Variants in CNTNAP3 observed in about 807,000 individuals in gnomAD.
CNTNAP3 encodes contactin-associated protein-like 3.
A neutral mutation model predicts 92.1 loss-of-function variants in CNTNAP3; 36 were observed. That is an observed-to-expected ratio of 0.39 (90% CI 0.30 to 0.52). The LOEUF (loss-of-function observed/expected upper bound fraction) is 0.52, where lower values mean the gene tolerates loss of function less well. Among genes scored for constraint, CNTNAP3 ranks in the 20% least tolerant of loss-of-function variants. CNTNAP3 has a pLI of 0.76. For synonymous variants in CNTNAP3, 232 were observed against 422.3 expected (o/e 0.55, Z 5.53); for missense variants, 534 against 1,069.6 (o/e 0.50, Z 6.98).
intron 21 of CNTNAP3, among the ~76,000 whole-genome samples, chr9:39,081,568 C>G (rs1436679455): frequency 6.6e-6 from 1 of 150,698 alleles, no homozygotes; most frequent in Non-Finnish European, 1.5e-5. Context: ...GAATGGATCT[C>G]TAATACAGAA....
intron 17 of CNTNAP3, 83 bp from the exon 18 acceptor site, chr9:39,100,233 T>C (rs996004706): frequency 7.5e-6 from 11 of 1,472,620 alleles, no homozygotes; most frequent in Non-Finnish European, 9.1e-6. Flanking sequence ...TCAGGCCTTA[T>C]GGAGAGTGGC....
At position 39,068,570 on chromosome 9, in the gene CNTNAP3, T is replaced by G. The variant is rs995198066; in HGVS notation, c.*5320A>C. 2.0e-5 allele frequency among the ~76,000 whole-genome samples: 3 copies of G among 152,306 alleles called. No homozygotes were observed. Among genetic ancestry groups the G allele is most frequent in the Non-Finnish European group, 2.9e-5 (2 of 68,054 alleles). On this transcript the variant is annotated 3_prime_UTR_variant, in exon 24 of 24. Transcript: ENST00000297668. ...AATTCTTTTGAGTGTTTCTTTCCCTTGCCTCAGGTAGTTTCATGCACTTTG... is the reference window on the plus strand; with the variant it reads ...AATTCTTTTGAGTGTTTCTTTCCCTGGCCTCAGGTAGTTTCATGCACTTTG...
intron 10 of CNTNAP3, among the ~76,000 whole-genome samples, chr9:39,147,155 C>T (rs1821723469): frequency 6.6e-6 from 1 of 152,112 alleles, no homozygotes; most frequent in Non-Finnish European, 1.5e-5. Context: ...CATTGTGAGG[C>T]CTCCCCAGCC....
Position 39,094,325 on chromosome 9 carries a change from TGATA to T in CNTNAP3, c.2995+5582_2995+5585del, listed in dbSNP as rs1826280278. ...TCTGTGGATTGTCTTTTTACTCTCT[TGATA>T]GTGTTCTTTGATACACAGAAGTTGT... On this transcript the variant is annotated intron_variant, in intron 18 of 23. Coordinates refer to ENST00000297668, the MANE Select transcript of CNTNAP3 (RefSeq NM_033655.5). Among the ~76,000 whole-genome samples the T allele has an allele frequency of 5.3e-5, 8 of 151,710 alleles. No homozygotes were observed. The South Asian group carries it at 1.7e-3, about 31-fold the overall frequency.
At chr9:39,120,787 T>A (rs1045733344) in intron 13 of CNTNAP3, among the ~76,000 whole-genome samples, 1 of 151,720 alleles carries the variant, frequency 6.6e-6, no homozygotes, top group Admixed American at 6.6e-5. Flanking sequence ...GAAAGGAAAA[T>A]ATAACAAAGG....
At position 39,133,089 on chromosome 9, in the gene CNTNAP3, C is replaced by G. The variant is rs979261373; in HGVS notation, c.1923G>C (p.Val641=). ...GCCCGCTGGGGGCACCTCGGAGGGTCACCGCGTCGGGGCCACCGTGCTGCA... is the reference window on the plus strand; with the variant it reads ...GCCCGCTGGGGGCACCTCGGAGGGTGACCGCGTCGGGGCCACCGTGCTGCA... ...TVVQHGGPDA[V]TLRGAPSGHP... Residue 641 remains valine, a synonymous_variant, in exon 13 of 24, where the codon GTG becomes GTC. Coordinates refer to ENST00000297668, the MANE Select transcript of CNTNAP3 (RefSeq NM_033655.5). 6.4e-7 allele frequency: 1 copy of G among 1,569,974 alleles called. No homozygotes were observed. Among genetic ancestry groups the G allele is most frequent in the Non-Finnish European group, 8.6e-7 (1 of 1,164,312 alleles).
chr9:39,127,256 T>C (rs1372021890), intron 13 of CNTNAP3, among the ~76,000 whole-genome samples: 1 of 152,034 alleles, frequency 6.6e-6, no homozygotes, highest in Non-Finnish European at 1.5e-5. Flanking sequence ...GAATACAACA[T>C]ATCAAAATAT....
At chr9:39,149,528 T>TG (rs1554650930) in intron 10 of CNTNAP3, among the ~76,000 whole-genome samples, 81 of 151,252 alleles carry the variant, frequency 5.4e-4, no homozygotes, top group African/African-American at 1.8e-3. Flanking sequence ...TTTTTTTTTT[T>TG]TGTATTTTTA....
intron 15 of CNTNAP3, among the ~76,000 whole-genome samples, chr9:39,104,339 C>G (rs7855742): frequency 0.16 from 24,718 of 150,626 alleles, 2,321 homozygotes; most frequent in Non-Finnish European, 0.21. Flanking sequence ...GAGGCAGGTT[C>G]GAGCAGCAGC....
chr9:39,129,130 C>G (rs1821217476), intron 13 of CNTNAP3, among the ~76,000 whole-genome samples: 1 of 152,054 alleles, frequency 6.6e-6, no homozygotes, highest in Admixed American at 6.6e-5. Flanking sequence ...TGTTTGTAGA[C>G]ATAAACAAAT....
chr9:39,253,014 T>TACACAC (rs1178975952), intron 2 of CNTNAP3, among the ~76,000 whole-genome samples: 42 of 3,604 alleles, frequency 0.012, 12 homozygotes, highest in Non-Finnish European at 0.093. Flanking sequence ...CAACTGAATA[T>TACACAC]ACACACACAC....
In CNTNAP3 at chr9:39,226,930, G is replaced by GTATA. The variant is rs1180542194; in HGVS notation, c.390+12059_390+12062dup. On this transcript the variant is annotated intron_variant, in intron 3 of 23. Coordinates refer to ENST00000297668, the MANE Select transcript of CNTNAP3 (RefSeq NM_033655.5). ...CTGCATAGTATTCCATGGTGTGTAT[G>GTATA]TATATGTGTGTATATATATATACCA... Among the ~76,000 whole-genome samples the GTATA allele has an allele frequency of 7.6e-4, 6 of 7,870 alleles. 2 individuals carry two copies. Among genetic ancestry groups the GTATA allele is most frequent in the African/African-American group, 8.2e-4 (6 of 7,300 alleles). The allele number at this position is 7,870 out of a possible 152,430, so 5.2% of individuals were successfully genotyped here.
rs1825489806 is a variant in CNTNAP3 at position 39,065,407 on chromosome 9, G to A, written c.*8483C>T. ...AGGTCTTTTAGGCAGTTTACAGTTT[G>A]GGGATATTATAAGTAAAGATGCTAT... On this transcript the variant is annotated 3_prime_UTR_variant, in exon 24 of 24. Transcript: ENST00000297668. Among the ~76,000 whole-genome samples the A allele has an allele frequency of 6.6e-6, 1 of 152,206 alleles. No individual in the cohort carries two copies. The highest frequency in any genetic ancestry group is 1.5e-5 in the Non-Finnish European group (1 of 68,038).
At chr9:39,078,549 A>T in intron 22 of CNTNAP3, 93 bp from the exon 23 acceptor site, 1 of 1,571,716 alleles carries the variant, frequency 6.4e-7, no homozygotes, top group Non-Finnish European at 8.6e-7. Context: ...AAGTGAATTA[A>T]AATAAGAACA....
chr9:39,144,282 C>G lies in CNTNAP3; in HGVS notation c.1714G>C (p.Asp572His), dbSNP rs1228918877. Residue 572 changes from aspartate (D) to histidine (H), a missense_variant, in exon 11 of 24, where the codon GAC becomes CAC. Physicochemically the swap from Asp to His is moderately conservative, Grantham distance 81. Transcript: ENST00000297668. Reference protein sequence around the residue: ...CSQSWDTFSCDCLGTGYTGET... With the variant: ...CSQSWDTFSCHCLGTGYTGET... ...CCCGTATAGCCTGTGCCTAGACAGT[C>G]ACAGGAGAAGGTGTCCCACGACTGG... The G allele has an allele frequency of 6.3e-7, 1 of 1,584,614 alleles. No individual in the cohort carries two copies.
chr9:39,098,907 T>C (rs1826387343), intron 18 of CNTNAP3, among the ~76,000 whole-genome samples: 1 of 151,926 alleles, frequency 6.6e-6, no homozygotes, highest in South Asian at 2.1e-4. Context: ...TTCATAAAAG[T>C]ATTATAAATA....
intron 13 of CNTNAP3, among the ~76,000 whole-genome samples, chr9:39,129,989 G>T (rs1056099849): frequency 6.6e-6 from 1 of 152,102 alleles, no homozygotes; most frequent in Admixed American, 6.6e-5. Context: ...ATAAAAAATA[G>T]TCACAACACC....
At chr9:39,105,300 G>T (rs964206651) in intron 15 of CNTNAP3, among the ~76,000 whole-genome samples, 1 of 152,134 alleles carries the variant, frequency 6.6e-6, no homozygotes, top group African/African-American at 2.4e-5. Context: ...GGTGGTGGGT[G>T]CCTGTAGTCC....
At chr9:39,106,173 T>C (rs1826600980) in intron 15 of CNTNAP3, among the ~76,000 whole-genome samples, 1 of 152,066 alleles carries the variant, frequency 6.6e-6, no homozygotes, top group Admixed American at 6.5e-5. Context: ...AAAGAATCAA[T>C]AAGTGTTATG....
Sources: gnomAD v4.1 joint callset for allele counts (sites outside exome capture counted in the v4.1 genomes callset) on GRCh38, gnomAD v4.1.1 for gene constraint, MANE v1.5 for transcripts, NCBI Gene and HGNC (gene_info 2026-07-23, HGNC 2026-07-21) for gene names.